The following CCDC33 variants were observed in gnomAD, a reference collection of about 807,000 sequenced individuals.
The protein encoded by CCDC33 is coiled-coil domain-containing protein 33.
A neutral mutation model predicts 91.9 loss-of-function variants in CCDC33; 94 were observed. The observed-to-expected ratio is 1.02, with a 90% confidence interval of 0.87 to 1.21. The LOEUF is 1.21. CCDC33 is among the 50% of genes most tolerant of loss of function. CCDC33 has a pLI of 0.00. For synonymous variants in CCDC33, 396 were observed against 374.5 expected, an observed-to-expected ratio of 1.06 and a Z score of -0.66; for missense variants, 940 against 935.5, an observed-to-expected ratio of 1.00 and a Z score of -0.06.
At chr15:74,330,569 G>C (rs1038094652) in intron 12 of CCDC33, 94 bp from the exon 13 acceptor site, 5 of 1,187,592 alleles carry the variant, frequency 4.2e-6, no homozygotes, top group Admixed American at 1.7e-5. Context: ...CCAAGCCCTC[G>C]GGCCAAGGGA....
At chr15:74,265,850 C>T (rs776855761) in intron 3 of CCDC33, among the ~76,000 whole-genome samples, 12 of 152,208 alleles carry the variant, frequency 7.9e-5, no homozygotes, top group Non-Finnish European at 1.3e-4. Context: ...ATGGCAAAAC[C>T]TTGTCTCTAC....
chr15:74,248,071 C>T (rs573572360), intron 2 of CCDC33, among the ~76,000 whole-genome samples: 6 of 150,910 alleles, frequency 4.0e-5, no homozygotes, highest in South Asian at 2.1e-4. Flanking sequence ...AGTGAGACTC[C>T]GTCTAAAAAA....
At position 74,236,533 on chromosome 15, in the gene CCDC33, C is replaced by CAA; in HGVS notation, c.-187_-186insAA. On this transcript the variant is annotated 5_prime_UTR_variant, in exon 1 of 19. Transcript: ENST00000398814. ...GGCCACCCTCCCCCTCCCCCCACAT[C>CAA]CAGGCCCCAGGGCTGGTGTGTGGCA... 1 of 259,700 alleles carries CAA rather than the reference C, an allele frequency of 3.9e-6. No homozygotes were observed. The highest frequency in any genetic ancestry group is 7.7e-6 in the Non-Finnish European group (1 of 129,568). The allele number at this position is 259,700 out of a possible 1,614,324, so 16.1% of individuals were successfully genotyped here.
At chr15:74,322,881 G>C (rs2060234422) in intron 11 of CCDC33, among the ~76,000 whole-genome samples, 1 of 152,074 alleles carries the variant, frequency 6.6e-6, no homozygotes, top group African/African-American at 2.4e-5. Context: ...CAGAGGAGAG[G>C]GTGTGTGCCT....
chr15:74,254,253 G>T (rs1006518337), intron 2 of CCDC33, among the ~76,000 whole-genome samples: 1 of 151,964 alleles, frequency 6.6e-6, no homozygotes, highest in African/African-American at 2.4e-5. Context: ...GGCTGGTCTC[G>T]AACTCCTGAC....
At position 74,319,928 on chromosome 15, in the gene CCDC33, G is replaced by A. The variant is rs554574866; in HGVS notation, c.1291-10261G>A. On this transcript the variant is annotated intron_variant, in intron 11 of 18. Transcript: ENST00000398814. ...CTGCTGCAGCAGGAAGGGAAAGAAA[G>A]AACAGAAGAAAGGGAAAATTCACTC... Among the ~76,000 whole-genome samples the A allele has an allele frequency of 5.3e-5, 8 of 152,312 alleles. No homozygotes were observed. In the East Asian group the frequency reaches 1.5e-3, roughly 29 times the overall value.
Position 74,236,605 on chromosome 15 carries a change from C to A in CCDC33, c.-115C>A. Reference sequence around the variant, plus strand: ...CCATACTGTCTACTACCCATAAGGACTCCAAGACGCCCAGGCCAGCTGTCT... The same window carrying A: ...CCATACTGTCTACTACCCATAAGGAATCCAAGACGCCCAGGCCAGCTGTCT... On this transcript the variant is annotated 5_prime_UTR_variant, in exon 1 of 19. Coordinates refer to ENST00000398814, the MANE Select transcript of CCDC33 (RefSeq NM_025055.5). 1 of 899,674 alleles carries A rather than the reference C, an allele frequency of 1.1e-6. No homozygotes were observed. The highest frequency in any genetic ancestry group is 1.8e-6 in the Non-Finnish European group (1 of 569,130). The allele number at this position is 899,674 out of a possible 1,614,324, so 55.7% of individuals were successfully genotyped here. A position where few individuals can be genotyped will look rare whatever the true frequency, so the allele number is the denominator to read the frequency against.
intron 4 of CCDC33, among the ~76,000 whole-genome samples, chr15:74,267,946 A>G (rs993111634): frequency 1.5e-4 from 23 of 152,096 alleles, no homozygotes; most frequent in African/African-American, 4.1e-4. Flanking sequence ...AGGAACCCCA[A>G]TCCCAGGGCT....
chr15:74,274,119 T>C (rs142761939), intron 7 of CCDC33, among the ~76,000 whole-genome samples: 2,170 of 152,298 alleles, frequency 0.014, 20 homozygotes, highest in Middle Eastern at 0.034. Context: ...CATGAGCCAC[T>C]GCACTCAGCC....
At chr15:74,326,753 G>A (rs1340067517) in intron 11 of CCDC33, among the ~76,000 whole-genome samples, 1 of 152,224 alleles carries the variant, frequency 6.6e-6, no homozygotes, top group African/African-American at 2.4e-5. Context: ...CAGGGAAGTG[G>A]CTGGTGCCTG....
upstream of CCDC33, among the ~76,000 whole-genome samples, chr15:74,234,269 G>A (rs2075076155): frequency 6.6e-6 from 1 of 152,176 alleles, no homozygotes; most frequent in South Asian, 2.1e-4. Context: ...TAGGGGGTGG[G>A]CACAGTTATC....
At chr15:74,234,989 C>T (rs1172276981), upstream of CCDC33, among the ~76,000 whole-genome samples, 1 of 152,224 alleles carries the variant, frequency 6.6e-6, no homozygotes, top group Non-Finnish European at 1.5e-5. Context: ...GCCTCCTAGA[C>T]TAAGCAGGCC....
chr15:74,209,380 A>T (rs2074332544), intron 1 of CCDC33: 9 of 1,534,528 alleles, frequency 5.9e-6, no homozygotes, highest in Non-Finnish European at 7.8e-6. Flanking sequence ...CCCATCCATC[A>T]CTCCCAGGGG....
intron 11 of CCDC33, among the ~76,000 whole-genome samples, chr15:74,327,437 C>T (rs2060332675): frequency 6.6e-6 from 1 of 152,130 alleles, no homozygotes; most frequent in Non-Finnish European, 1.5e-5. Flanking sequence ...GAGTTCGAGA[C>T]TAGCCTGACC....
chr15:74,236,050 C>T (rs1317857910), upstream of CCDC33, among the ~76,000 whole-genome samples: 2 of 152,342 alleles, frequency 1.3e-5, no homozygotes, highest in African/African-American at 4.8e-5. Flanking sequence ...GATCAAGCTG[C>T]AACACTCTTG....
At chr15:74,332,946 T>C in intron 16 of CCDC33, 101 bp downstream of exon 16, 8 of 1,406,850 alleles carry the variant, frequency 5.7e-6, no homozygotes, top group Non-Finnish European at 6.7e-6. Flanking sequence ...GGAGCTAAGC[T>C]TCCCAGGGTC....
chr15:74,320,570 G>A (rs1158119418), intron 11 of CCDC33, among the ~76,000 whole-genome samples: 2 of 152,160 alleles, frequency 1.3e-5, no homozygotes, highest in South Asian at 2.1e-4. Context: ...GCAGGTGGAA[G>A]GGAGATATAT....
chr15:74,293,171 G>T (rs569138072), intron 10 of CCDC33, among the ~76,000 whole-genome samples: 6 of 152,074 alleles, frequency 3.9e-5, no homozygotes, highest in Non-Finnish European at 7.4e-5. Flanking sequence ...TACTGATGGG[G>T]GCACCTCTGG....
chr15:74,288,109 C>G (rs1478512103), intron 10 of CCDC33, among the ~76,000 whole-genome samples: 1 of 152,210 alleles, frequency 6.6e-6, no homozygotes, highest in African/African-American at 2.4e-5. Context: ...ACAGACTCTA[C>G]TTGGTCATTT....
Sources: gnomAD v4.1 joint callset for allele counts (sites outside exome capture counted in the v4.1 genomes callset) on GRCh38, gnomAD v4.1.1 for gene constraint, MANE v1.5 for transcripts, NCBI Gene and HGNC (gene_info 2026-07-23, HGNC 2026-07-21) for gene names.